Variants in SNTB1 observed in about 807,000 individuals in gnomAD.
SNTB1 encodes the protein syntrophin beta 1, also known as beta-1-syntrophin.
SNTB1 carries 36 observed loss-of-function variants against 48.9 expected under a neutral mutation model. That is an observed-to-expected ratio of 0.74 (90% CI 0.56 to 0.97). The LOEUF (loss-of-function observed/expected upper bound fraction) is 0.97, where lower values mean the gene tolerates loss of function less well. Among genes scored for constraint, SNTB1 ranks in the 50% least tolerant of loss-of-function variants. The probability of loss-of-function intolerance (pLI) is 0.00; values close to 1 mark genes in which losing one functional copy is unlikely to be tolerated. For missense variants in SNTB1, 786 were observed against 703.4 expected, an observed-to-expected ratio of 1.12 and a Z score of -1.33; for synonymous variants, 299 against 294.6, an observed-to-expected ratio of 1.01 and a Z score of -0.15.
intron 6 of SNTB1, 33 bp downstream of exon 6, chr8:120,541,777 G>T: frequency 6.8e-7 from 1 of 1,479,290 alleles, no homozygotes; most frequent in East Asian, 2.3e-5. Flanking sequence ...ATTAATATAT[G>T]AAATCACACT....
In SNTB1 at chr8:120,693,785, G is replaced by A. The variant is rs1467761500; in HGVS notation, c.695C>T (p.Ser232Leu). The change falls in exon 2 of 7, where the codon TCG becomes TTG. Residue 232 changes from serine to leucine, a missense_variant. Ser to Leu is a moderately radical substitution (Grantham distance 145). Coordinates refer to ENST00000517992, the MANE Select transcript of SNTB1 (RefSeq NM_021021.4). ...LGGSTSDPPSSQSFSFHRDRK... is the reference protein window; with the variant it reads ...LGGSTSDPPSLQSFSFHRDRK... Reference sequence around the variant, plus strand: ...GTCTCTGTGGAAGGAGAAGGACTGCGATGACGGGGGGTCTGAGGTGCTGCC... The same window carrying A: ...GTCTCTGTGGAAGGAGAAGGACTGCAATGACGGGGGGTCTGAGGTGCTGCC... 1.9e-6 allele frequency: 3 copies of A among 1,614,072 alleles called. No individual in the cohort carries two copies. Among genetic ancestry groups the A allele is most frequent in the Non-Finnish European group, 2.5e-6 (3 of 1,180,002 alleles).
At chr8:120,624,460 A>G (rs10106525) in intron 3 of SNTB1, among the ~76,000 whole-genome samples, 3,380 of 152,248 alleles carry the variant, frequency 0.022, 119 homozygotes, top group African/African-American at 0.078. Flanking sequence ...CGCCCATGAT[A>G]ATGGCATTAA....
chr8:120,738,545 T>TTCCTTCC (rs1818987965), intron 1 of SNTB1, among the ~76,000 whole-genome samples: 3 of 135,728 alleles, frequency 2.2e-5, no homozygotes, highest in African/African-American at 5.9e-5. Flanking sequence ...TCCTTCCTTC[T>TTCCTTCC]TTCCTTCCTT....
intron 1 of SNTB1, among the ~76,000 whole-genome samples, chr8:120,716,540 G>T (rs1818560838): frequency 6.6e-6 from 1 of 152,140 alleles, no homozygotes; most frequent in South Asian, 2.1e-4. Flanking sequence ...TGGGGAGGAT[G>T]CTAGAGGTTA....
intron 1 of SNTB1, among the ~76,000 whole-genome samples, chr8:120,719,948 T>G (rs1818630521): frequency 6.6e-6 from 1 of 152,254 alleles, no homozygotes; most frequent in African/African-American, 2.4e-5. Flanking sequence ...ATTTGTAAAA[T>G]GACTTCAAAC....
intron 1 of SNTB1, among the ~76,000 whole-genome samples, chr8:120,707,823 G>T (rs1447956507): frequency 6.6e-6 from 1 of 152,052 alleles, no homozygotes; most frequent in Non-Finnish European, 1.5e-5. Context: ...GTAACATGAA[G>T]ACATGAGCTA....
intron 1 of SNTB1, chr8:120,769,074 T>G (rs989995761): frequency 6.6e-6 from 1 of 152,110 alleles, no homozygotes; most frequent in Non-Finnish European, 1.5e-5. Flanking sequence ...CCAGGCGTCT[T>G]CTCTCTCAGT....
At chr8:120,568,168 C>G (rs532068440) in intron 4 of SNTB1, among the ~76,000 whole-genome samples, 15 of 152,256 alleles carry the variant, frequency 9.9e-5, no homozygotes, top group African/African-American at 3.6e-4. Context: ...GACCATCCCC[C>G]ACAACCCGCC....
At chr8:120,763,263 G>A (rs1215383181) in intron 1 of SNTB1, among the ~76,000 whole-genome samples, 3 of 152,178 alleles carry the variant, frequency 2.0e-5, no homozygotes, top group Admixed American at 6.5e-5. Flanking sequence ...AAAGTAGATA[G>A]AGGACTGCAG....
intron 3 of SNTB1, among the ~76,000 whole-genome samples, chr8:120,629,146 T>G (rs1364828720): frequency 2.0e-5 from 3 of 152,132 alleles, no homozygotes; most frequent in Admixed American, 6.6e-5. Flanking sequence ...TTCTTTCTCC[T>G]CTCTTGGAGT....
chr8:120,597,200 G>A (rs186136844), intron 3 of SNTB1, among the ~76,000 whole-genome samples: 1 of 152,318 alleles, frequency 6.6e-6, no homozygotes, highest in East Asian at 1.9e-4. Context: ...GCCATCAGAA[G>A]CTGGAAGATG....
intron 1 of SNTB1, among the ~76,000 whole-genome samples, chr8:120,778,447 A>G (rs766564887): frequency 6.6e-6 from 1 of 152,232 alleles, no homozygotes; most frequent in African/African-American, 2.4e-5. Context: ...CCTGACCTCT[A>G]ATTTCATCAG....
At chr8:120,635,566 T>C (rs1173695428) in intron 2 of SNTB1, 1 of 161,770 alleles carries the variant, frequency 6.2e-6, no homozygotes, top group Non-Finnish European at 1.5e-5. Flanking sequence ...TCCTAACTTC[T>C]ATATTCATTG....
intron 2 of SNTB1, among the ~76,000 whole-genome samples, chr8:120,659,656 T>C (rs1817557689): frequency 2.0e-5 from 3 of 152,218 alleles, no homozygotes; most frequent in Admixed American, 2.0e-4. Context: ...CTCAGATCCA[T>C]CACAGGAATT....
intron 3 of SNTB1, among the ~76,000 whole-genome samples, chr8:120,585,430 T>C (rs566364437): frequency 1.6e-4 from 24 of 152,344 alleles, no homozygotes; most frequent in African/African-American, 5.5e-4. Flanking sequence ...CAGATGTCAA[T>C]ATTTTGATCC....
At chr8:120,698,396 A>G (rs2129878809) in intron 1 of SNTB1, among the ~76,000 whole-genome samples, 1 of 152,368 alleles carries the variant, frequency 6.6e-6, no homozygotes, top group East Asian at 1.9e-4. Context: ...TAAGGAAGAT[A>G]TACTGAGGTT....
At chr8:120,541,569 C>T (rs774671967) in intron 6 of SNTB1, among the ~76,000 whole-genome samples, 1 of 152,172 alleles carries the variant, frequency 6.6e-6, no homozygotes, top group Non-Finnish European at 1.5e-5. Flanking sequence ...TTTAATCTAA[C>T]TTTGTAAAGG....
intron 4 of SNTB1, among the ~76,000 whole-genome samples, chr8:120,562,895 A>AAAAAGG (rs1586996299): frequency 6.6e-6 from 1 of 152,176 alleles, no homozygotes; most frequent in East Asian, 1.9e-4. Flanking sequence ...AAAGAAAAAG[A>AAAAAGG]AAAAGAAAAA....
chr8:120,727,956 T>C (rs1818788818), intron 1 of SNTB1, among the ~76,000 whole-genome samples: 1 of 152,212 alleles, frequency 6.6e-6, no homozygotes, highest in African/African-American at 2.4e-5. Context: ...TATGCAGATA[T>C]TCCTTCTCCC....
Sources: allele counts gnomAD v4.1 joint callset (sites outside exome capture counted in the v4.1 genomes callset), GRCh38; gene constraint gnomAD v4.1.1; transcripts MANE v1.5; gene names NCBI Gene and HGNC (gene_info 2026-07-23, HGNC 2026-07-21).